Variants in RNF24 observed in about 807,000 individuals in gnomAD.
The protein encoded by RNF24 is ring finger protein 24.
A neutral mutation model predicts 20.0 loss-of-function variants in RNF24; 14 were observed. The observed-to-expected ratio is 0.70, with a 90% CI of 0.46 to 1.10. RNF24 has a LOEUF of 1.10. Ranked by LOEUF, RNF24 falls within the 50% of genes least tolerant of loss-of-function variation. The pLI, the probability that RNF24 is intolerant of heterozygous loss-of-function variation, is 0.00. For missense variants in RNF24, 124 were observed against 177.6 expected, an observed-to-expected ratio of 0.70 and a Z score of 1.71; for synonymous variants, 45 against 61.1, an observed-to-expected ratio of 0.74 and a Z score of 1.23.
intron 1 of RNF24, among the ~76,000 whole-genome samples, chr20:4,005,334 G>C (rs1158317282): frequency 1.3e-5 from 2 of 152,034 alleles, no homozygotes; most frequent in Non-Finnish European, 2.9e-5. Flanking sequence ...TTGATATACT[G>C]TTCTGTGATT....
At chr20:4,004,845 C>A (rs566668114) in intron 1 of RNF24, among the ~76,000 whole-genome samples, 18 of 152,226 alleles carry the variant, frequency 1.2e-4, no homozygotes, top group African/African-American at 4.3e-4. Context: ...ACTAATAAAC[C>A]CCCTTTGCTC....
At chr20:3,995,608 T>C (rs1447899694) in intron 1 of RNF24, among the ~76,000 whole-genome samples, 1 of 152,222 alleles carries the variant, frequency 6.6e-6, no homozygotes, top group Non-Finnish European at 1.5e-5. Flanking sequence ...GGCTGCCTGG[T>C]AGTTTGACAC....
intron 1 of RNF24, among the ~76,000 whole-genome samples, chr20:4,007,914 C>T (rs531094004): frequency 2.0e-5 from 3 of 151,656 alleles, no homozygotes; most frequent in African/African-American, 7.3e-5. Context: ...AAGACTCTCT[C>T]TCTTAAAAAC....
At chr20:3,962,075 AG>A (rs2091207905) in intron 2 of RNF24, among the ~76,000 whole-genome samples, 1 of 152,180 alleles carries the variant, frequency 6.6e-6, no homozygotes, top group African/African-American at 2.4e-5. Context: ...TTGTCTAGCC[AG>A]ATGTGGTGGC....
chr20:3,953,625 C>T (rs909627521), intron 2 of RNF24, among the ~76,000 whole-genome samples: 13 of 151,810 alleles, frequency 8.6e-5, no homozygotes, highest in African/African-American at 2.4e-4. Context: ...CCACCACGCC[C>T]GGCTAATTTC....
At chr20:3,969,351 T>C (rs1441871437) in intron 1 of RNF24, among the ~76,000 whole-genome samples, 2 of 152,010 alleles carry the variant, frequency 1.3e-5, no homozygotes, top group East Asian at 1.9e-4. Context: ...CTAAAAACCA[T>C]GGACATTAAG....
chr20:3,948,136 A>C, intron 3 of RNF24, 101 bp downstream of exon 3: 1 of 806,876 alleles, frequency 1.2e-6, no homozygotes, highest in Non-Finnish European at 2.0e-6. Context: ...AAATGAACAC[A>C]AGTAAATTCA....
At chr20:3,958,523 CTTA>C (rs2091166892) in intron 2 of RNF24, among the ~76,000 whole-genome samples, 1 of 152,168 alleles carries the variant, frequency 6.6e-6, no homozygotes, top group Non-Finnish European at 1.5e-5. Context: ...GATGCAAAAC[CTTA>C]TTGTCAAATG....
At chr20:4,011,708 T>C (rs977046112) in intron 1 of RNF24, among the ~76,000 whole-genome samples, 4 of 152,006 alleles carry the variant, frequency 2.6e-5, no homozygotes, top group African/African-American at 9.7e-5. Context: ...GCAACAAAAG[T>C]TGTTCAAGAA....
chr20:3,962,047 T>C lies in RNF24; in HGVS notation c.143+1828A>G, dbSNP rs116214145. Reference sequence around the variant, plus strand: ...AAAGAGATGTAAAAATCTGAACTAGTTGAACAGTCTTAACTCATTGTCTAG... The same window carrying C: ...AAAGAGATGTAAAAATCTGAACTAGCTGAACAGTCTTAACTCATTGTCTAG... On this transcript the variant is annotated intron_variant, in intron 2 of 5. Transcript: ENST00000358395. Among the ~76,000 whole-genome samples the C allele has an allele frequency of 2.3e-3, 353 of 152,284 alleles. 1 individual carries two copies. Among genetic ancestry groups the C allele is most frequent in the African/African-American group, 7.9e-3 (327 of 41,554 alleles).
intron 1 of RNF24, among the ~76,000 whole-genome samples, chr20:4,000,871 A>G (rs1981329570): frequency 6.6e-6 from 1 of 152,224 alleles, no homozygotes; most frequent in Admixed American, 6.5e-5. Flanking sequence ...CAAATAGGTA[A>G]CAAATAATAG....
chr20:3,939,945 C>T (rs2090935271), intron 4 of RNF24, among the ~76,000 whole-genome samples: 1 of 151,864 alleles, frequency 6.6e-6, no homozygotes, highest in African/African-American at 2.4e-5. Flanking sequence ...ATTTTTGATG[C>T]TATTACAAAC....
chr20:3,953,377 T>C (rs1440585396), intron 2 of RNF24, among the ~76,000 whole-genome samples: 1 of 151,170 alleles, frequency 6.6e-6, no homozygotes, highest in Non-Finnish European at 1.5e-5. Flanking sequence ...ATGGTCTCCA[T>C]CTCCTGACCT....
intron 1 of RNF24, among the ~76,000 whole-genome samples, chr20:3,977,737 C>T (rs563429364): frequency 5.0e-4 from 76 of 151,590 alleles, no homozygotes; most frequent in African/African-American, 1.7e-3. Flanking sequence ...TGGTGGTGGG[C>T]GCCTGTAGTC....
At chr20:3,978,173 G>A (rs1313886031) in intron 1 of RNF24, among the ~76,000 whole-genome samples, 2 of 151,684 alleles carry the variant, frequency 1.3e-5, no homozygotes, top group Non-Finnish European at 1.5e-5. Context: ...GAGTAGCTGG[G>A]ATTACAGGTG....
intron 1 of RNF24, among the ~76,000 whole-genome samples, chr20:4,013,025 T>C (rs554810517): frequency 4.4e-4 from 67 of 152,058 alleles, no homozygotes; most frequent in African/African-American, 1.4e-3. Context: ...TTTTTCTGCT[T>C]CATTTTTCCT....
At chr20:3,977,797 G>A (rs1051724559) in intron 1 of RNF24, among the ~76,000 whole-genome samples, 4 of 149,778 alleles carry the variant, frequency 2.7e-5, no homozygotes, top group African/African-American at 9.8e-5. Context: ...CCCAGAGGCA[G>A]AGCTTGCAGC....
At chr20:3,953,414 A>G (rs1201638584) in intron 2 of RNF24, among the ~76,000 whole-genome samples, 1 of 150,914 alleles carries the variant, frequency 6.6e-6, no homozygotes, top group East Asian at 1.9e-4. Flanking sequence ...CAGCCTCCCA[A>G]AGTGCTGGGA....
At chr20:3,951,542 G>T (rs1256491325) in intron 2 of RNF24, among the ~76,000 whole-genome samples, 2 of 152,140 alleles carry the variant, frequency 1.3e-5, no homozygotes, top group African/African-American at 4.8e-5. Flanking sequence ...TGGTTTTGTA[G>T]TTCTCTAATT....
Sources: allele counts gnomAD v4.1 joint callset (sites outside exome capture counted in the v4.1 genomes callset), GRCh38; gene constraint gnomAD v4.1.1; transcripts MANE v1.5; gene names NCBI Gene and HGNC (gene_info 2026-07-23, HGNC 2026-07-21).